DOCK2: variants seen among roughly 807,000 people sequenced by gnomAD.
The protein encoded by DOCK2 is dedicator of cytokinesis 2, also known as dedicator of cytokinesis protein 2.
A neutral mutation model predicts 248.9 loss-of-function variants in DOCK2; 87 were observed. The ratio of observed to expected loss-of-function variants is 0.35; its 90% confidence interval spans 0.29 to 0.42. The LOEUF (loss-of-function observed/expected upper bound fraction) is 0.42, where lower values mean the gene tolerates loss of function less well. DOCK2 is among the 10% of genes least tolerant of loss of function. DOCK2 has a pLI of 1.00. For missense variants in DOCK2, 1,747 were observed against 2,300.2 expected (o/e 0.76, Z 4.92); for synonymous variants, 805 against 821.6 (o/e 0.98, Z 0.35).
Position 169,904,417 on chromosome 5 carries a change from C to T in DOCK2, c.2799+63565C>T, listed in dbSNP as rs530349854. 5.7e-4 allele frequency among the ~76,000 whole-genome samples: 87 copies of T among 152,248 alleles called. 1 individual carries two copies. Among genetic ancestry groups the T allele is most frequent in the Non-Finnish European group, 1.1e-3 (75 of 68,018 alleles). Reference sequence around the variant, plus strand: ...ACCTACCTGTCTATGGAATTTCTACCAGTGTGTTCAAACACCTCTCCAAAG... The same window carrying T: ...ACCTACCTGTCTATGGAATTTCTACTAGTGTGTTCAAACACCTCTCCAAAG... On this transcript the variant is annotated intron_variant, in intron 27 of 51. Transcript: ENST00000520908.
At chr5:169,691,441 A>G (rs545236125) in intron 9 of DOCK2, among the ~76,000 whole-genome samples, 146 of 152,308 alleles carry the variant, frequency 9.6e-4, no homozygotes, top group Non-Finnish European at 1.7e-3. Flanking sequence ...AGTGCCTACT[A>G]TGCATGTGCT....
intron 6 of DOCK2, among the ~76,000 whole-genome samples, chr5:169,679,597 A>G (rs1759538873): frequency 6.6e-6 from 1 of 152,238 alleles, no homozygotes; most frequent in African/African-American, 2.4e-5. Flanking sequence ...AGAAACAGCC[A>G]GAGAGATCTT....
chr5:170,049,605 A>G (rs1222994793), intron 40 of DOCK2, among the ~76,000 whole-genome samples: 1 of 152,192 alleles, frequency 6.6e-6, no homozygotes, highest in Non-Finnish European at 1.5e-5. Flanking sequence ...TTTGGGCCTG[A>G]AAATTCTTCA....
At chr5:169,894,078 C>T (rs1773452170) in intron 27 of DOCK2, among the ~76,000 whole-genome samples, 1 of 152,196 alleles carries the variant, frequency 6.6e-6, no homozygotes, top group Admixed American at 6.5e-5. Context: ...ACGACAGACT[C>T]CAGTGACCCC....
chr5:170,030,361 G>A (rs984922334), intron 34 of DOCK2, among the ~76,000 whole-genome samples: 5 of 152,124 alleles, frequency 3.3e-5, no homozygotes, highest in African/African-American at 1.2e-4. Flanking sequence ...ACATCCATGG[G>A]GCCCCTGTGC....
chr5:169,695,994 T>C, intron 10 of DOCK2, 56 bp downstream of exon 10: 1 of 1,523,858 alleles, frequency 6.6e-7, no homozygotes, highest in East Asian at 2.4e-5. Context: ...TTTATGTGGC[T>C]GAATTGTAAT....
At chr5:169,962,147 A>C (rs186075654) in intron 27 of DOCK2, among the ~76,000 whole-genome samples, 131 of 152,012 alleles carry the variant, frequency 8.6e-4, no homozygotes, top group Non-Finnish European at 1.4e-3. Context: ...GAGTAATAGG[A>C]CTGGGTTTTT....
intron 9 of DOCK2, among the ~76,000 whole-genome samples, chr5:169,694,930 A>G (rs183904029): frequency 6.6e-6 from 1 of 152,252 alleles, no homozygotes; most frequent in Admixed American, 6.5e-5. Flanking sequence ...AGCTGTGATC[A>G]TGCTACTGCC....
intron 41 of DOCK2, 149 bp downstream of exon 41, chr5:170,050,546 G>A (rs1756878025): frequency 2.1e-6 from 2 of 970,254 alleles, no homozygotes; most frequent in East Asian, 2.6e-5. Context: ...ATGTTCTTTG[G>A]ATCCATGTTC....
rs965947853 is a variant in DOCK2 at position 169,872,783 on chromosome 5, C to G, written c.2799+31931C>G. 2.0e-4 allele frequency among the ~76,000 whole-genome samples: 31 copies of G among 152,182 alleles called. 1 individual carries two copies. The highest frequency in any genetic ancestry group is 3.5e-4 in the Non-Finnish European group (24 of 68,032). The stretch of plus-strand genomic sequence containing the variant: ...CAGGAAAGTCTTCTGAAAGTAGGAC[C>G]TAGTTTTGAGCCCTGGCTCCCTGGG... On this transcript the variant is annotated intron_variant, in intron 27 of 51. Coordinates refer to ENST00000520908, the MANE Select transcript of DOCK2 (RefSeq NM_004946.3).
chr5:169,774,415 A>C (rs531551816), intron 25 of DOCK2, among the ~76,000 whole-genome samples: 1 of 152,316 alleles, frequency 6.6e-6, no homozygotes. Context: ...GGAAACTGAT[A>C]AGGAGGTTTA....
At chr5:170,034,641 A>G (rs748078064) in intron 35 of DOCK2, 86 bp downstream of exon 35, 32 of 1,542,320 alleles carry the variant, frequency 2.1e-5, no homozygotes, top group Non-Finnish European at 2.8e-5. Flanking sequence ...TGTTCTTCAT[A>G]GGGAAGCAGT....
At chr5:169,734,908 T>TG (rs1762956606) in intron 22 of DOCK2, among the ~76,000 whole-genome samples, 1 of 152,166 alleles carries the variant, frequency 6.6e-6, no homozygotes, top group African/African-American at 2.4e-5. Flanking sequence ...CAGACGCCTT[T>TG]GGGGCAAAGC....
intron 41 of DOCK2, among the ~76,000 whole-genome samples, chr5:170,052,713 G>A (rs957364062): frequency 2.6e-5 from 4 of 152,210 alleles, no homozygotes; most frequent in African/African-American, 9.6e-5. Flanking sequence ...TAAAAAGATT[G>A]ATGAACAGCA....
chr5:169,866,913 T>C (rs941682205), intron 27 of DOCK2, among the ~76,000 whole-genome samples: 2 of 152,220 alleles, frequency 1.3e-5, no homozygotes, highest in African/African-American at 4.8e-5. Flanking sequence ...GTTCCAGTAC[T>C]ATCTACCCAG....
chr5:169,920,083 C>A (rs1420760053), intron 27 of DOCK2, among the ~76,000 whole-genome samples: 1 of 152,086 alleles, frequency 6.6e-6, no homozygotes, highest in Non-Finnish European at 1.5e-5. Flanking sequence ...GATTTTATCT[C>A]CGGTGAATAG....
chr5:169,855,991 C>CA (rs1419432068), intron 27 of DOCK2, among the ~76,000 whole-genome samples: 10 of 152,130 alleles, frequency 6.6e-5, no homozygotes, highest in Non-Finnish European at 1.5e-4. Context: ...CACATGGCAG[C>CA]AGGAGAGAGA....
chr5:169,897,253 C>T (rs555746617), intron 27 of DOCK2, among the ~76,000 whole-genome samples: 23 of 152,066 alleles, frequency 1.5e-4, no homozygotes, highest in South Asian at 6.2e-4. Context: ...GGCATGATCT[C>T]GGCTCACTGC....
chr5:169,832,384 G>A (rs550312824), intron 26 of DOCK2, among the ~76,000 whole-genome samples: 9 of 152,186 alleles, frequency 5.9e-5, no homozygotes, highest in South Asian at 2.1e-4. Context: ...CCCAAGTCCC[G>A]CCTGGCACAT....
Sources: allele counts gnomAD v4.1 joint callset (sites outside exome capture counted in the v4.1 genomes callset), GRCh38; gene constraint gnomAD v4.1.1; transcripts MANE v1.5; gene names NCBI Gene and HGNC (gene_info 2026-07-23, HGNC 2026-07-21).